The following LRBA variants were observed in gnomAD, a reference collection of about 807,000 sequenced individuals.
The protein encoded by LRBA is lipopolysaccharide-responsive and beige-like anchor protein.
Under a neutral mutation model 330.0 loss-of-function variants are expected in LRBA, and 176 were observed. The ratio of observed to expected loss-of-function variants is 0.53; its 90% CI spans 0.47 to 0.60. LRBA has a LOEUF of 0.60. Among genes scored for constraint, LRBA ranks in the 20% least tolerant of loss-of-function variants. The pLI is 0.00. For synonymous variants in LRBA, 1,230 were observed against 1,193.0 expected (o/e 1.03, Z -0.64); for missense variants, 3,259 against 3,444.8 (o/e 0.95, Z 1.35).
intron 35 of LRBA, among the ~76,000 whole-genome samples, chr4:150,741,750 T>G (rs1732007301): frequency 6.6e-6 from 1 of 152,150 alleles, no homozygotes. Flanking sequence ...CTAACAATAT[T>G]GAGCAAAAGC....
chr4:150,532,045 GC>G (rs1052356576), intron 40 of LRBA, among the ~76,000 whole-genome samples: 1 of 152,148 alleles, frequency 6.6e-6, no homozygotes, highest in African/African-American at 2.4e-5. Context: ...GAAGAATAAA[GC>G]CCACTTTTCA....
Position 150,645,222 on chromosome 4 carries a change from A to G in LRBA, c.5921+38329T>C, listed in dbSNP as rs1401204607. Among the ~76,000 whole-genome samples, 4 of 151,182 alleles carry G rather than the reference A, an allele frequency of 2.6e-5. No homozygotes were observed. The South Asian group carries it at 8.3e-4, about 31-fold the overall frequency. On this transcript the variant is annotated intron_variant, in intron 37 of 56. Coordinates refer to ENST00000651943, the MANE Select transcript of LRBA (RefSeq NM_001364905.1). ...GACTGATTTTTTTTTTTTTCTGAGAAAAAAATAACTACTATTATCACACAC... is the reference window on the plus strand; with the variant it reads ...GACTGATTTTTTTTTTTTTCTGAGAGAAAAATAACTACTATTATCACACAC...
At position 150,583,705 on chromosome 4, in the gene LRBA, G is replaced by A. The variant is rs1279002056; in HGVS notation, c.6330+4343C>T. ...GCTGACCGGCAAGCAGAGCTCGGCAGAGAGCGACGCCTGGGTGCTACAGTT... is the reference window on the plus strand; with the variant it reads ...GCTGACCGGCAAGCAGAGCTCGGCAAAGAGCGACGCCTGGGTGCTACAGTT... On this transcript the variant is annotated intron_variant, in intron 40 of 56. Coordinates refer to ENST00000651943, the MANE Select transcript of LRBA (RefSeq NM_001364905.1). The surrounding 1 kb of genome is among the most constrained non-coding windows in gnomAD (Gnocchi z 9.8). The A allele has an allele frequency of 6.2e-7, 1 of 1,613,590 alleles. No homozygotes were observed. The highest frequency in any genetic ancestry group is 1.1e-5 in the South Asian group (1 of 90,974).
At chr4:150,596,117 AG>A (rs1241697806) in intron 38 of LRBA, among the ~76,000 whole-genome samples, 3 of 151,876 alleles carry the variant, frequency 2.0e-5, no homozygotes, top group Non-Finnish European at 4.4e-5. Context: ...ACCACTTTGG[AG>A]GGTCTCTGCT....
intron 37 of LRBA, among the ~76,000 whole-genome samples, chr4:150,668,705 TAGAAG>T (rs1781783513): frequency 6.6e-6 from 1 of 152,130 alleles, no homozygotes; most frequent in Non-Finnish European, 1.5e-5. Context: ...ATTTATAAGT[TAGAAG>T]GGAAAGATTA....
intron 34 of LRBA, among the ~76,000 whole-genome samples, chr4:150,789,813 G>A (rs1387809567): frequency 2.6e-5 from 4 of 151,982 alleles, no homozygotes; most frequent in African/African-American, 9.7e-5. Context: ...GTAAAAGCAA[G>A]CAATGATAGC....
At chr4:150,715,652 G>A (rs1728089956) in intron 36 of LRBA, among the ~76,000 whole-genome samples, 1 of 152,098 alleles carries the variant, frequency 6.6e-6, no homozygotes. Flanking sequence ...GTGCACAATT[G>A]CCAAGTGTTA....
intron 28 of LRBA, among the ~76,000 whole-genome samples, chr4:150,836,777 T>C (rs1578944774): frequency 6.6e-6 from 1 of 152,312 alleles, no homozygotes; most frequent in East Asian, 1.9e-4. Flanking sequence ...TGAAGGGTTT[T>C]TTGTGTCTCT....
intron 56 of LRBA, among the ~76,000 whole-genome samples, chr4:150,266,485 G>A (rs531845695): frequency 6.6e-5 from 10 of 151,832 alleles, no homozygotes; most frequent in Admixed American, 3.9e-4. Flanking sequence ...GGAGAACATA[G>A]GTGAACCTAA....
intron 20 of LRBA, 143 bp from the exon 21 acceptor site, chr4:150,868,448 C>T: frequency 2.2e-6 from 1 of 455,328 alleles, no homozygotes; most frequent in Non-Finnish European, 3.8e-6. Flanking sequence ...AAAAAAATCA[C>T]CTCTGGAAAG....
intron 48 of LRBA, among the ~76,000 whole-genome samples, chr4:150,331,648 T>C (rs1335653150): frequency 1.3e-5 from 2 of 152,176 alleles, no homozygotes; most frequent in East Asian, 3.8e-4. Flanking sequence ...AAGACTATAC[T>C]GAGAATAAAA....
chr4:150,990,969 G>T (rs559706298), intron 2 of LRBA, among the ~76,000 whole-genome samples: 1 of 151,142 alleles, frequency 6.6e-6, no homozygotes, highest in African/African-American at 2.4e-5. Flanking sequence ...CCAGGGAGGC[G>T]CTGAACCTCG....
rs762007810 is a variant in LRBA, at chr4:150,908,448, G to T, written c.1379C>A (p.Thr460Lys). Reference protein sequence around the residue: ...LMLQDVKAVLTHSIQSAMHSI... With the variant: ...LMLQDVKAVLKHSIQSAMHSI... The stretch of plus-strand genomic sequence containing the variant: ...ATGCATTGCACTTTGGATGGAATGT[G>T]TTAAAACTGCCTTTACATCCTTGTA... The change falls in exon 11 of 57, where the codon ACA becomes AAA. Residue 460 changes from threonine (T) to lysine (K), a missense_variant. Physicochemically the swap from Thr to Lys is moderately conservative, Grantham distance 78. Coordinates refer to ENST00000651943, the MANE Select transcript of LRBA (RefSeq NM_001364905.1). 9 of 1,600,258 alleles carry T rather than the reference G, an allele frequency of 5.6e-6. No homozygotes were observed. In the South Asian group the frequency reaches 1.0e-4, roughly 18 times the overall value.
chr4:150,354,668 A>G (rs1348727255), intron 47 of LRBA, among the ~76,000 whole-genome samples: 4 of 152,132 alleles, frequency 2.6e-5, no homozygotes, highest in African/African-American at 9.7e-5. Flanking sequence ...CGAATGTTCA[A>G]TCCAATCCAG....
At chr4:150,468,832 A>G (rs571568314) in intron 43 of LRBA, among the ~76,000 whole-genome samples, 1 of 151,990 alleles carries the variant, frequency 6.6e-6, no homozygotes, top group African/African-American at 2.4e-5. Context: ...TTTAGGTCTG[A>G]TGTTTTTAAC....
At chr4:150,948,326 C>T (rs1736452397) in intron 2 of LRBA, among the ~76,000 whole-genome samples, 1 of 151,922 alleles carries the variant, frequency 6.6e-6, no homozygotes, top group African/African-American at 2.4e-5. Flanking sequence ...ACTAGACCCA[C>T]ACAAATATTC....
chr4:150,849,459 C>A lies in LRBA; in HGVS notation c.4121G>T (p.Gly1374Val). Residue 1374 changes from glycine to valine, a missense_variant, in exon 25 of 57, where the codon GGT (glycine) becomes GTT (valine). Coordinates refer to ENST00000651943, the MANE Select transcript of LRBA (RefSeq NM_001364905.1). ...VMDNMVMACG[G>V]ILPLLSAATS... is the part of the protein sequence containing the mutation. ...AGCAGCTGAAAGCAATGGCAGTATA[C>A]CCCCACAAGCCATGACCATATTGTC... 1.2e-6 allele frequency: 2 copies of A among 1,613,664 alleles called. No homozygotes were observed. The highest frequency in any genetic ancestry group is 1.7e-6 in the Non-Finnish European group (2 of 1,179,592).
rs148337375 is a variant in LRBA at position 150,504,487 on chromosome 4, C to A, written c.6331-13452G>T. Among the ~76,000 whole-genome samples, 1,182 of 152,276 alleles carry A rather than the reference C, an allele frequency of 7.8e-3. 52 individuals carry two copies. In the East Asian group the frequency reaches 0.098, roughly 13 times the overall value. The stretch of plus-strand genomic sequence containing the variant: ...TTCAACCCAGAATTTCATATCCAGC[C>A]AAACTAAGCTTCATAAGTGAACAAG... On this transcript the variant is annotated intron_variant, in intron 40 of 56. Coordinates refer to ENST00000651943, the MANE Select transcript of LRBA (RefSeq NM_001364905.1).
chr4:150,802,927 C>T (rs1741879401), intron 33 of LRBA, among the ~76,000 whole-genome samples: 1 of 148,070 alleles, frequency 6.8e-6, no homozygotes, highest in Non-Finnish European at 1.5e-5. Context: ...GAGACTGAGG[C>T]ACAAGAATTG....
Sources: gnomAD v4.1 joint callset for allele counts (sites outside exome capture counted in the v4.1 genomes callset) on GRCh38, gnomAD v4.1.1 for gene constraint, Gnocchi (gnomAD v3.1) non-coding constraint, MANE v1.5 for transcripts, NCBI Gene and HGNC (gene_info 2026-07-23, HGNC 2026-07-21) for gene names.